Variants in AMOT observed in about 807,000 individuals in gnomAD.
AMOT encodes angiomotin.
AMOT carries 11 observed loss-of-function variants against 67.0 expected under a neutral mutation model. That is an observed-to-expected ratio of 0.16 (90% CI 0.10 to 0.27). AMOT has a LOEUF of 0.27. Ranked by LOEUF, AMOT falls within the 10% of genes least tolerant of loss-of-function variation. AMOT has a pLI of 1.00. For synonymous variants in AMOT, 326 were observed against 321.4 expected (o/e 1.01, Z -0.15); for missense variants, 753 against 852.0 (o/e 0.88, Z 1.45).
Position 112,779,018 on chromosome X carries a change from T to A in AMOT, c.3136A>T (p.Thr1046Ser). The A allele has an allele frequency of 8.3e-7, 1 of 1,210,965 alleles. No individual in the cohort carries two copies. The highest frequency in any genetic ancestry group is 1.1e-6 in the Non-Finnish European group (1 of 894,872). Residue 1046 changes from threonine (T) to serine (S), a missense_variant, in exon 13 of 14, where the codon ACC becomes TCC. By Grantham distance (58) the Thr-to-Ser change is moderately conservative (BLOSUM62 1). This residue lies in a region of AMOT where 269 missense variants were observed against 300.9 expected (regional missense o/e 0.89). Transcript: ENST00000371959. The part of the protein sequence containing the change: ...GPHRLSIPSL[T>S]CNPDKTDGPV... ...TTACCTGTTTTGTCTGGATTGCAGG[T>A]CAAACTTGGTATAGACAAACGATGT...
chrX:112,815,616 C>T lies in AMOT; in HGVS notation c.1134G>A (p.Gln378=). The change falls in exon 5 of 14, where the codon CAG becomes CAA. Residue 378 remains glutamine, a synonymous_variant. Transcript: ENST00000371959. ...RLSQPGLSQQ[Q]QQQQQQHHHH... is the part of the protein sequence containing the mutation. ...GATGGTGCTGCTGCTGCTGTTGCTG[C>T]TGCTGCTGACTCAGGCCAGGTTGGG... is the stretch of plus-strand genomic sequence containing the variant. 2.5e-6 allele frequency: 3 copies of T among 1,204,662 alleles called. No individual in the cohort carries two copies. Among genetic ancestry groups the T allele is most frequent in the Non-Finnish European group, 3.4e-6 (3 of 891,929 alleles).
chrX:112,836,615 T>C (rs1046195835), intron 1 of AMOT, among the ~76,000 whole-genome samples: 1 of 110,960 alleles, frequency 9.0e-6, no homozygotes, highest in African/African-American at 3.3e-5. Context: ...GCAGGTGATC[T>C]CTTAGGATGA....
chrX:112,790,757 T>G lies in AMOT; in HGVS notation c.1952A>C (p.Asn651Thr). 3 of 1,195,537 alleles carry G rather than the reference T, an allele frequency of 2.5e-6. No individual in the cohort carries two copies. The stretch of plus-strand genomic sequence containing the variant: ...TGCAGCAGCATTGTATTCTGAAACG[T>G]TGGTGGGCTGACAGTTGCCCTGACG... ...QQRQGNCQPT[N>T]VSEYNAAALM... is the part of the protein sequence containing the mutation. The change falls in exon 10 of 14, where the codon AAC becomes ACC. Residue 651 changes from asparagine to threonine, a missense_variant. Around this residue, in one of 5 missense-constraint regions of AMOT, gnomAD observed 66 missense variants for 112.9 expected, o/e 0.58. Transcript: ENST00000371959.
chrX:112,819,351 G>C, intron 4 of AMOT: 1 of 754,340 alleles, frequency 1.3e-6, no homozygotes, highest in South Asian at 6.7e-5. Context: ...CCCAGGCTCT[G>C]CAATGGTGAA....
At chrX:112,788,453 G>GA (rs1933454474) in intron 10 of AMOT, among the ~76,000 whole-genome samples, 1 of 111,600 alleles carries the variant, frequency 9.0e-6, no homozygotes, top group African/African-American at 3.3e-5. Flanking sequence ...AAGAAAGGCA[G>GA]AAGAGCCCAC....
chrX:112,801,713 GGTCTTTGTAAAGAGAAAGA>G (rs1189636832), intron 8 of AMOT, among the ~76,000 whole-genome samples: 1 of 112,253 alleles, frequency 8.9e-6, no homozygotes, highest in Admixed American at 9.4e-5. Flanking sequence ...ATCTAAATGA[GGTCTTTGTAAAGAGAAAGA>G]CATAAATAAA....
At chrX:112,836,327 C>T (rs1475489758) in intron 1 of AMOT, among the ~76,000 whole-genome samples, 1 of 111,761 alleles carries the variant, frequency 8.9e-6, no homozygotes, top group East Asian at 2.8e-4. Flanking sequence ...AAATTAACAG[C>T]CTTGCTAGAT....
intron 1 of AMOT, among the ~76,000 whole-genome samples, chrX:112,834,212 TTA>T (rs1341714687): frequency 8.9e-6 from 1 of 111,919 alleles, no homozygotes; most frequent in Non-Finnish European, 1.9e-5. Flanking sequence ...CTCCTTTCAA[TTA>T]TGTGGTTTCT....
chrX:112,828,354 A>G, intron 2 of AMOT, among the ~76,000 whole-genome samples: 1 of 103,940 alleles, frequency 9.6e-6, no homozygotes, highest in Non-Finnish European at 2.0e-5. Flanking sequence ...CAATTTCATC[A>G]TCTGCAAAAT....
intron 2 of AMOT, among the ~76,000 whole-genome samples, chrX:112,827,684 G>C (rs902745355): frequency 3.6e-5 from 4 of 112,177 alleles, no homozygotes; most frequent in Non-Finnish European, 1.9e-5. Flanking sequence ...TCCATTTGCA[G>C]TCATTGGCCT....
chrX:112,788,895 G>T (rs1933472707), intron 10 of AMOT, among the ~76,000 whole-genome samples: 1 of 112,472 alleles, frequency 8.9e-6, no homozygotes, highest in African/African-American at 3.2e-5. Context: ...AATCTACCTT[G>T]TGGGAGCCAA....
At chrX:112,807,566 G>A (rs935223948) in intron 7 of AMOT, among the ~76,000 whole-genome samples, 2 of 110,107 alleles carry the variant, frequency 1.8e-5, no homozygotes, top group Non-Finnish European at 3.8e-5. Flanking sequence ...TAGACAGCAT[G>A]CAAGATCAGA....
intron 10 of AMOT, among the ~76,000 whole-genome samples, chrX:112,786,351 G>A (rs1011619705): frequency 8.9e-6 from 1 of 112,213 alleles, no homozygotes; most frequent in Non-Finnish European, 1.9e-5. Flanking sequence ...GTAAATGCAA[G>A]CTGATAAAAA....
At position 112,823,189 on chromosome X, in the gene AMOT, C is replaced by T; in HGVS notation, c.-62-1G>A. ...ATTGGGCACCTGGGCTGCCCTTGAC[C>T]TGGGAAGGGGAAACAGGAAGCTTAA... is the stretch of plus-strand genomic sequence containing the variant. On this transcript the variant is annotated splice_acceptor_variant, in intron 3 of 13. Coordinates refer to ENST00000371959, the MANE Select transcript of AMOT (RefSeq NM_001113490.2). LOFTEE classifies it low-confidence loss of function (5UTR_SPLICE). 9.4e-7 allele frequency: 1 copy of T among 1,060,564 alleles called. No individual in the cohort carries two copies. The highest frequency in any genetic ancestry group is 2.4e-5 in the South Asian group (1 of 41,660). The allele number at this position is 1,060,564 out of a possible 1,213,427, so 87.4% of individuals were successfully genotyped here.
intron 2 of AMOT, 129 bp downstream of exon 2, chrX:112,832,165 T>C (rs998938505): frequency 7.2e-5 from 8 of 111,607 alleles, no homozygotes; most frequent in African/African-American, 2.6e-4. Context: ...CATTAACTGG[T>C]ACATAAAATG....
At chrX:112,800,674 T>G (rs1295608367) in intron 8 of AMOT, among the ~76,000 whole-genome samples, 1 of 112,270 alleles carries the variant, frequency 8.9e-6, no homozygotes, top group Non-Finnish European at 1.9e-5. Context: ...TATGTATCTT[T>G]AAAACCAAAA....
At chrX:112,796,957 A>G (rs760993750) in intron 8 of AMOT, among the ~76,000 whole-genome samples, 2 of 112,009 alleles carry the variant, frequency 1.8e-5, no homozygotes, top group South Asian at 7.6e-4. Flanking sequence ...CCAGCTCCAA[A>G]TGTCAGGAAC....
At chrX:112,838,601 T>C (rs759232169) in intron 1 of AMOT, among the ~76,000 whole-genome samples, 14 of 112,753 alleles carry the variant, frequency 1.2e-4, no homozygotes, top group East Asian at 8.3e-4. Context: ...ATTAGTCTAA[T>C]AAATCAAACT....
At chrX:112,810,188 C>T (rs1236291616) in intron 6 of AMOT, among the ~76,000 whole-genome samples, 1 of 111,560 alleles carries the variant, frequency 9.0e-6, no homozygotes, top group African/African-American at 3.3e-5. Context: ...GTATTTAATG[C>T]TTTCACTCCT....
Sources: gnomAD v4.1 joint callset for allele counts (sites outside exome capture counted in the v4.1 genomes callset) on GRCh38, gnomAD v4.1.1 for gene constraint, gnomAD v4.1.1 regional missense constraint, MANE v1.5 for transcripts, NCBI Gene and HGNC (gene_info 2026-07-23, HGNC 2026-07-21) for gene names.